TACC1: variants seen among roughly 807,000 people sequenced by gnomAD.
The protein encoded by TACC1 is transforming acidic coiled-coil containing protein 1.
A neutral mutation model predicts 84.4 loss-of-function variants in TACC1; 48 were observed. The observed-to-expected ratio is 0.57, with a 90% CI of 0.45 to 0.72. The LOEUF (loss-of-function observed/expected upper bound fraction) is 0.72. Ranked by LOEUF, TACC1 falls within the 30% of genes least tolerant of loss-of-function variation. TACC1 has a pLI of 0.00. For synonymous variants in TACC1, 372 were observed against 376.3 expected (o/e 0.99, Z 0.13); for missense variants, 920 against 973.0 (o/e 0.95, Z 0.72).
At chr8:38,828,433 G>C (rs1320069880) in intron 5 of TACC1, among the ~76,000 whole-genome samples, 2 of 152,180 alleles carry the variant, frequency 1.3e-5, no homozygotes, top group African/African-American at 4.8e-5. Context: ...TGACATTAGA[G>C]CCTCCAGAAA....
chr8:38,778,450 G>A (rs1020534207), intron 3 of TACC1, among the ~76,000 whole-genome samples: 8 of 151,962 alleles, frequency 5.3e-5, no homozygotes, highest in South Asian at 2.1e-4. Flanking sequence ...TGACCCCCTC[G>A]CTCCATAAAT....
chr8:38,823,347 CCT>C, intron 3 of TACC1, among the ~76,000 whole-genome samples: 1 of 152,246 alleles, frequency 6.6e-6, no homozygotes, highest in Admixed American at 6.5e-5. Context: ...GTTGGTTACT[CCT>C]CTCTAGACAG....
intron 2 of TACC1, among the ~76,000 whole-genome samples, chr8:38,815,960 T>TAA (rs74872955): frequency 9.3e-5 from 12 of 128,996 alleles, no homozygotes; most frequent in African/African-American, 3.1e-4. Flanking sequence ...AGACCATGTT[T>TAA]AAAAAAAAAA....
chr8:38,819,025 C>T (rs995124017), intron 2 of TACC1, among the ~76,000 whole-genome samples: 16 of 152,196 alleles, frequency 1.1e-4, no homozygotes, highest in African/African-American at 3.6e-4. Context: ...ATGTGCCCGT[C>T]TTGGCCTCCC....
chr8:38,781,421 C>A (rs1478913488), intron 3 of TACC1, among the ~76,000 whole-genome samples: 1 of 150,890 alleles, frequency 6.6e-6, no homozygotes, highest in Non-Finnish European at 1.5e-5. Flanking sequence ...TTGTTCTGTC[C>A]CCCAGGCTGG....
chr8:38,755,004 AC>A (rs1423198633), intron 3 of TACC1, among the ~76,000 whole-genome samples: 1 of 152,144 alleles, frequency 6.6e-6, no homozygotes, highest in African/African-American at 2.4e-5. Flanking sequence ...TATTAAAAAT[AC>A]AAAAAATAGC....
At chr8:38,776,929 C>A (rs1814912196) in intron 3 of TACC1, among the ~76,000 whole-genome samples, 1 of 152,088 alleles carries the variant, frequency 6.6e-6, no homozygotes, top group South Asian at 2.1e-4. Flanking sequence ...GCTGCTGTTA[C>A]AAAGGGGCCC....
At chr8:38,755,646 G>A (rs1809856437) in intron 3 of TACC1, among the ~76,000 whole-genome samples, 1 of 151,818 alleles carries the variant, frequency 6.6e-6, no homozygotes, top group South Asian at 2.1e-4. Context: ...CAAGGCTCCA[G>A]TGAGCTTTGA....
intron 3 of TACC1, among the ~76,000 whole-genome samples, chr8:38,755,744 AACAACAAC>A (rs988656276): frequency 4.2e-5 from 4 of 94,596 alleles, no homozygotes; most frequent in Admixed American, 9.4e-5. Flanking sequence ...CAACAACAAC[AACAACAAC>A]AGAGTGTTCC....
intron 1 of TACC1, among the ~76,000 whole-genome samples, chr8:38,735,522 T>C (rs1172330389): frequency 6.6e-6 from 1 of 152,150 alleles, no homozygotes; most frequent in Non-Finnish European, 1.5e-5. Flanking sequence ...ATGGAGGATT[T>C]AGTCCACTTC....
At chr8:38,841,026 G>A (rs763569338) in intron 9 of TACC1, among the ~76,000 whole-genome samples, 2 of 152,158 alleles carry the variant, frequency 1.3e-5, no homozygotes, top group Admixed American at 6.6e-5. Flanking sequence ...TCCAGCCTGG[G>A]CAATGAGCAA....
chr8:38,827,324 TC>T lies in TACC1; in HGVS notation c.1611del (p.Asn538MetfsTer7). 1.2e-6 allele frequency: 2 copies of T among 1,614,216 alleles called. No homozygotes were observed. Among genetic ancestry groups the T allele is most frequent in the Non-Finnish European group, 1.7e-6 (2 of 1,180,032 alleles). On this transcript the variant is annotated frameshift_variant, in exon 5 of 13. Coordinates refer to ENST00000317827, the MANE Select transcript of TACC1 (RefSeq NM_006283.3). LOFTEE classifies it high-confidence loss of function. ...GGAAGACCTGGAGTACTTTGAATGTTCCAATGTTCCTGTGTCTACCATAAAT... is the reference window on the plus strand; with the variant it reads ...GGAAGACCTGGAGTACTTTGAATGTTCAATGTTCCTGTGTCTACCATAAAT... Reference protein sequence around the residue: ...PEEDLEYFECSNVPVSTINHA... With the variant: ...PEEDLEYFECXNVPVSTINHA...
intron 3 of TACC1, among the ~76,000 whole-genome samples, chr8:38,754,877 A>T (rs1809700139): frequency 6.6e-6 from 1 of 152,258 alleles, no homozygotes; most frequent in Admixed American, 6.5e-5. Flanking sequence ...TAAAAGAGAG[A>T]TCTGGCCGGG....
upstream of TACC1, chr8:38,785,747 A>G: frequency 2.0e-6 from 2 of 984,188 alleles, no homozygotes; most frequent in Non-Finnish European, 2.4e-6. Flanking sequence ...GTAAGCATAA[A>G]CCTAAAACTA....
intron 2 of TACC1, among the ~76,000 whole-genome samples, chr8:38,809,410 G>T (rs901667220): frequency 1.4e-4 from 21 of 152,106 alleles, no homozygotes; most frequent in Non-Finnish European, 2.9e-4. Flanking sequence ...CTTTTGTCTT[G>T]TGCTGAGATG....
intron 2 of TACC1, among the ~76,000 whole-genome samples, chr8:38,789,456 CTAAA>C (rs1237214439): frequency 1.3e-5 from 2 of 152,290 alleles, no homozygotes; most frequent in Admixed American, 1.3e-4. Context: ...TGCTTATTTA[CTAAA>C]TAGAGTGCAC....
At chr8:38,836,422 C>G in intron 7 of TACC1, 135 bp downstream of exon 7, 1 of 1,210,592 alleles carries the variant, frequency 8.3e-7, no homozygotes, top group East Asian at 2.6e-5. Flanking sequence ...TTGTTTAGGT[C>G]GTAAAAGGGC....
chr8:38,829,600 T>C (rs1298940284), intron 5 of TACC1, among the ~76,000 whole-genome samples: 1 of 151,238 alleles, frequency 6.6e-6, no homozygotes, highest in African/African-American at 2.5e-5. Context: ...AAGGTAATAT[T>C]ATAAACTTAC....
chr8:38,847,215 G>C (rs1385324617), intron 12 of TACC1, among the ~76,000 whole-genome samples: 1 of 152,190 alleles, frequency 6.6e-6, no homozygotes, highest in Non-Finnish European at 1.5e-5. Context: ...GGGGATGTTA[G>C]GTGTTAGGTA....
Sources: allele counts gnomAD v4.1 joint callset (sites outside exome capture counted in the v4.1 genomes callset), GRCh38; gene constraint gnomAD v4.1.1; transcripts MANE v1.5; gene names NCBI Gene and HGNC (gene_info 2026-07-23, HGNC 2026-07-21).